The following ACAA1 variants were observed in gnomAD, a reference collection of about 807,000 sequenced individuals.
The protein encoded by ACAA1 is 3-ketoacyl-CoA thiolase, peroxisomal.
A neutral mutation model predicts 48.8 loss-of-function variants in ACAA1; 44 were observed. The observed-to-expected ratio is 0.90, with a 90% CI of 0.71 to 1.16. The LOEUF is 1.16. Ranked by LOEUF, ACAA1 falls within the 50% of genes most tolerant of loss-of-function variation. The pLI is 0.00. For missense variants in ACAA1, 512 were observed against 562.3 expected, an observed-to-expected ratio of 0.91 and a Z score of 0.90; for synonymous variants, 233 against 226.5, an observed-to-expected ratio of 1.03 and a Z score of -0.26.
chr3:38,131,454 T>G, intron 5 of ACAA1, 142 bp downstream of exon 5: 1 of 804,868 alleles, frequency 1.2e-6, no homozygotes, highest in South Asian at 1.6e-5. Flanking sequence ...ACTCTTAACC[T>G]GCATTTGTGA....
intron 10 of ACAA1, 26 bp downstream of exon 10, chr3:38,125,800 G>T (rs559474003): frequency 6.2e-7 from 1 of 1,614,172 alleles, no homozygotes; most frequent in East Asian, 2.2e-5. Context: ...CCAGGGCAAA[G>T]GCAACATTGA....
chr3:38,123,039 G>A lies in ACAA1; in HGVS notation c.*8C>T, dbSNP rs1417468082. 1.2e-6 allele frequency: 2 copies of A among 1,613,996 alleles called. No homozygotes were observed. The highest frequency in any genetic ancestry group is 2.2e-5 in the South Asian group (2 of 91,078). On this transcript the variant is annotated 3_prime_UTR_variant, in exon 12 of 12. Coordinates refer to ENST00000333167, the MANE Select transcript of ACAA1 (RefSeq NM_001607.4). Reference sequence around the variant, plus strand: ...TGTCTGCGTAGCGCCTCCAGCCTGGGACCTCACTCAGTTCCCAGGGTATTC... The same window carrying A: ...TGTCTGCGTAGCGCCTCCAGCCTGGAACCTCACTCAGTTCCCAGGGTATTC...
intron 11 of ACAA1, chr3:38,124,981 A>T (rs1700645436): frequency 6.6e-6 from 1 of 152,236 alleles, no homozygotes. Context: ...ACCGTCACAG[A>T]CACACCCAAA....
Position 38,122,850 on chromosome 3 carries a change from G to GTGGC in ACAA1, c.*193_*196dup. 1.3e-6 allele frequency: 1 copy of GTGGC among 789,832 alleles called. No individual in the cohort carries two copies. Among genetic ancestry groups the GTGGC allele is most frequent in the South Asian group, 1.9e-5 (1 of 54,046 alleles). The allele number at this position is 789,832 out of a possible 1,614,324, so 48.9% of individuals were successfully genotyped here. ...TGCACAGCTAAAGAGGGTCTGATGGGTGGCTCAACACCCCACCCACTCCTA... is the reference window on the plus strand; with the variant it reads ...TGCACAGCTAAAGAGGGTCTGATGGGTGGCTGGCTCAACACCCCACCCACTCCTA... On this transcript the variant is annotated 3_prime_UTR_variant, in exon 12 of 12. Transcript: ENST00000333167.
At chr3:38,134,221 A>C (rs966437073) in intron 2 of ACAA1, 1 of 590,132 alleles carries the variant, frequency 1.7e-6, no homozygotes, top group African/African-American at 1.9e-5. Context: ...CCTGTCCCTG[A>C]GGGTCCCACG....
Position 38,127,508 on chromosome 3 carries a change from C to T in ACAA1, c.626+278G>A, listed in dbSNP as rs1389539343. On this transcript the variant is annotated intron_variant, in intron 7 of 11. Transcript: ENST00000333167. ...GGCCCCACACTCCAGGCTACAATGTCCAGTCCCCAAACCGCAGCCAGAAAA... is the reference window on the plus strand; with the variant it reads ...GGCCCCACACTCCAGGCTACAATGTTCAGTCCCCAAACCGCAGCCAGAAAA... 6.0e-6 allele frequency: 3 copies of T among 497,174 alleles called. No individual in the cohort carries two copies. In the East Asian group the frequency reaches 1.1e-4, roughly 19 times the overall value. The allele number at this position is 497,174 out of a possible 1,614,324, so 30.8% of individuals were successfully genotyped here. A position where few individuals can be genotyped will look rare whatever the true frequency, so the allele number is the denominator to read the frequency against.
chr3:38,127,556 C>G (rs1467444342), intron 7 of ACAA1: 1 of 574,472 alleles, frequency 1.7e-6, no homozygotes, highest in Non-Finnish European at 3.1e-6. Flanking sequence ...AAACTGAGGC[C>G]TAGCTAGGGC....
chr3:38,127,903 T>C, intron 6 of ACAA1, 37 bp from the exon 7 acceptor site: 5 of 1,609,010 alleles, frequency 3.1e-6, no homozygotes, highest in Non-Finnish European at 4.3e-6. Flanking sequence ...GGCATTGGTC[T>C]GACAGCCTAG....
At position 38,137,070 on chromosome 3, in the gene ACAA1, C is replaced by T. The variant is rs749152223; in HGVS notation, c.-35G>A. The T allele has an allele frequency of 1.1e-5, 16 of 1,497,070 alleles. No homozygotes were observed. In the South Asian group the frequency reaches 1.8e-4, roughly 17 times the overall value. 92.7% of individuals were successfully genotyped at this position (1,497,070 alleles called of 1,614,324 possible). ...CAACCCTGCAGACCAGCCACCAGTC[C>T]GGGAACTGACCGCGGAGTTAACAGA... On this transcript the variant is annotated 5_prime_UTR_variant, in exon 1 of 12. Transcript: ENST00000333167.
chr3:38,127,546 A>T (rs1700703723), intron 7 of ACAA1: 2 of 557,482 alleles, frequency 3.6e-6, no homozygotes, highest in East Asian at 6.1e-5. Flanking sequence ...ACAGAGGGGG[A>T]AACTGAGGCC....
chr3:38,125,245 C>T (rs1700650400), intron 11 of ACAA1: 1 of 228,528 alleles, frequency 4.4e-6, no homozygotes, highest in African/African-American at 2.3e-5. Flanking sequence ...GGATTTTAAT[C>T]TTTTGAGATT....
At chr3:38,133,327 C>A (rs1559479127) in intron 3 of ACAA1, among the ~76,000 whole-genome samples, 1 of 152,128 alleles carries the variant, frequency 6.6e-6, no homozygotes, top group Non-Finnish European at 1.5e-5. Context: ...TTGTAGGGGG[C>A]CTTGAACTAC....
intron 2 of ACAA1, among the ~76,000 whole-genome samples, chr3:38,135,551 C>T (rs946068091): frequency 7.9e-5 from 12 of 152,118 alleles, no homozygotes; most frequent in African/African-American, 2.9e-4. Flanking sequence ...AGGAAAGGTG[C>T]TGTGCCTGGA....
In ACAA1 at chr3:38,123,037, G is replaced by A; in HGVS notation, c.*10C>T. 1.2e-6 allele frequency: 2 copies of A among 1,613,938 alleles called. 1 individual carries two copies. Among genetic ancestry groups the A allele is most frequent in the East Asian group, 4.5e-5 (2 of 44,882 alleles). ...ACTGTCTGCGTAGCGCCTCCAGCCT[G>A]GGACCTCACTCAGTTCCCAGGGTAT... On this transcript the variant is annotated 3_prime_UTR_variant, in exon 12 of 12. Coordinates refer to ENST00000333167, the MANE Select transcript of ACAA1 (RefSeq NM_001607.4).
At chr3:38,133,675 G>C in intron 3 of ACAA1, 1 of 504,880 alleles carries the variant, frequency 2.0e-6, no homozygotes. Context: ...AATGAGGACA[G>C]AGTCCACACT....
intron 11 of ACAA1, 92 bp downstream of exon 11, chr3:38,125,473 G>T: frequency 1.4e-6 from 2 of 1,450,488 alleles, no homozygotes; most frequent in Non-Finnish European, 9.2e-7. Flanking sequence ...TCGAGATTAT[G>T]ATCCAAAGCC....
At position 38,126,052 on chromosome 3, in the gene ACAA1, C is replaced by T. The variant is rs1254953324; in HGVS notation, c.997+110G>A. 12 of 1,462,514 alleles carry T rather than the reference C, an allele frequency of 8.2e-6. No homozygotes were observed. Among genetic ancestry groups the T allele is most frequent in the Non-Finnish European group, 1.1e-5 (12 of 1,067,168 alleles). The allele number at this position is 1,462,514 out of a possible 1,614,324, so 90.6% of individuals were successfully genotyped here. On this transcript the variant is annotated intron_variant, in intron 9 of 11. Coordinates refer to ENST00000333167, the MANE Select transcript of ACAA1 (RefSeq NM_001607.4). This position sits in a 1 kb window ranked among gnomAD's most constrained non-coding sequence, Gnocchi z 4.7. ...AAGTATGGGACACTAGCCTGCCCCA[C>T]CTCCACTCTGCAGCACCCACAGGAC... is the stretch of plus-strand genomic sequence containing the variant.
At chr3:38,132,224 C>T in intron 3 of ACAA1, 1 of 401,918 alleles carries the variant, frequency 2.5e-6, no homozygotes, top group Non-Finnish European at 4.7e-6. Flanking sequence ...CAGGGCCCCA[C>T]AAGCACATTC....
In ACAA1 at chr3:38,136,497, C is replaced by A; in HGVS notation, c.265+95G>T. 3 of 1,354,652 alleles carry A rather than the reference C, an allele frequency of 2.2e-6. No individual in the cohort carries two copies. In the East Asian group the frequency reaches 7.0e-5, roughly 32 times the overall value. 83.9% of individuals were successfully genotyped at this position (1,354,652 alleles called of 1,614,324 possible). On this transcript the variant is annotated intron_variant, in intron 2 of 11. Transcript: ENST00000333167. ...TTCAAAGGTCAAGGCCATGGAGGTT[C>A]CCCCAGTGAAAATTCGGGGCGGGGA...
Sources: allele counts gnomAD v4.1 joint callset (sites outside exome capture counted in the v4.1 genomes callset), GRCh38; gene constraint gnomAD v4.1.1; non-coding constraint Gnocchi (gnomAD v3.1); transcripts MANE v1.5; gene names NCBI Gene and HGNC (gene_info 2026-07-23, HGNC 2026-07-21).